Variants in HSPA8 observed in about 807,000 individuals in gnomAD.
The protein encoded by HSPA8 is heat shock cognate 71 kDa protein.
HSPA8 carries 2 observed loss-of-function variants against 52.8 expected under a neutral mutation model. The ratio of observed to expected loss-of-function variants is 0.04; its 90% CI spans 0.02 to 0.12. The LOEUF (loss-of-function observed/expected upper bound fraction) is 0.12. Ranked by LOEUF, HSPA8 falls within the 10% of genes least tolerant of loss-of-function variation. HSPA8 has a pLI of 1.00. For missense variants in HSPA8, 349 were observed against 800.5 expected (o/e 0.44, Z 6.81); for synonymous variants, 436 against 274.0 (o/e 1.59, Z -5.84).
In HSPA8 at chr11:123,060,359, G is replaced by C. The variant is rs1865455539; in HGVS notation, c.412-91C>G. The C allele has an allele frequency of 2.4e-6, 3 of 1,260,106 alleles. No individual in the cohort carries two copies. The South Asian group carries it at 3.8e-5, about 16-fold the overall frequency. The allele number at this position is 1,260,106 out of a possible 1,614,324, so 78.1% of individuals were successfully genotyped here. On this transcript the variant is annotated intron_variant, in intron 3 of 8. Transcript: ENST00000534624. Reference sequence around the variant, plus strand: ...ATGGATTAATGCTGGTGAAAGAACAGCTGGAGCACCCCCCCCACCAAAATG... The same window carrying C: ...ATGGATTAATGCTGGTGAAAGAACACCTGGAGCACCCCCCCCACCAAAATG...
intron 3 of HSPA8, 140 bp downstream of exon 3, chr11:123,060,453 T>A: frequency 1.1e-6 from 1 of 893,164 alleles, no homozygotes; most frequent in Non-Finnish European, 1.8e-6. Flanking sequence ...CTAGAGAGCC[T>A]AGGGCACTGT....
Position 123,060,566 on chromosome 11 carries a change from C to A in HSPA8, c.411+27G>T, listed in dbSNP as rs201523743. ...TCGGGCTTTTAACTACTCCGGAATG[C>A]ACCCCATACTGAAAAACCAACCTCA... On this transcript the variant is annotated intron_variant, in intron 3 of 8. Transcript: ENST00000534624. 3.9e-6 allele frequency: 6 copies of A among 1,537,870 alleles called. No homozygotes were observed. The South Asian group carries it at 6.7e-5, about 17-fold the overall frequency.
chr11:123,061,092 G>C (rs1369893725), intron 2 of HSPA8, 28 bp downstream of exon 2: 1 of 1,586,528 alleles, frequency 6.3e-7, no homozygotes, highest in Admixed American at 1.7e-5. Flanking sequence ...TGTTATATTT[G>C]TTCTGTCATT....
chr11:123,060,897 T>G, intron 2 of HSPA8, 99 bp from the exon 3 acceptor site: 1 of 1,089,106 alleles, frequency 9.2e-7, no homozygotes, highest in Non-Finnish European at 1.4e-6. Flanking sequence ...CATAGGTAGG[T>G]GAATTCAACT....
intron 4 of HSPA8, 26 bp downstream of exon 4, chr11:123,060,090 G>A (rs368508401): frequency 2.2e-5 from 35 of 1,613,812 alleles, no homozygotes; most frequent in African/African-American, 1.2e-4. Flanking sequence ...AAAATAATCC[G>A]AACTTGCATC....
chr11:123,061,018 TCA>T lies in HSPA8; in HGVS notation c.205+100_205+101del, dbSNP rs113256342. ...CAGACTTGATAACAAGTCTCTCAGC[TCA>T]GTTTTTCTAAAATCAAAAAGTTCCC... On this transcript the variant is annotated intron_variant, in intron 2 of 8. Coordinates refer to ENST00000534624, the MANE Select transcript of HSPA8 (RefSeq NM_006597.6). 2.4e-4 allele frequency: 246 copies of T among 1,039,746 alleles called. 2 individuals are homozygous for T. In the African/African-American group the frequency reaches 3.5e-3, roughly 15 times the overall value. The allele number at this position is 1,039,746 out of a possible 1,614,324, so 64.4% of individuals were successfully genotyped here. A position where few individuals can be genotyped will look rare whatever the true frequency, so the allele number is the denominator to read the frequency against.
chr11:123,059,241 A>C lies in HSPA8; in HGVS notation c.1141T>G (p.Ser381Ala). The change falls in exon 6 of 9, where the codon TCT becomes GCT. Residue 381 changes from serine (S) to alanine (A), a missense_variant. Transcript: ENST00000534624. ...YGAAVQAAIL[S>A]GDKSENVQDL... Reference sequence around the variant, plus strand: ...TGAACATTCTCAGACTTGTCTCCAGACAAGATGGCTGCCTGGACAGCTAGC... The same window carrying C: ...TGAACATTCTCAGACTTGTCTCCAGCCAAGATGGCTGCCTGGACAGCTAGC... The C allele has an allele frequency of 6.2e-7, 1 of 1,613,050 alleles. No individual in the cohort carries two copies.
At chr11:123,058,093 G>A (rs1797938570) in intron 8 of HSPA8, 159 bp downstream of exon 8, 3 of 714,280 alleles carry the variant, frequency 4.2e-6, no homozygotes, top group Non-Finnish European at 7.0e-6. Context: ...AGACATCCAA[G>A]GAAGGTAGTT....
At chr11:123,061,659 CTACTCCGGAATG>C (rs1865507623) in intron 1 of HSPA8, 3 of 380,220 alleles carry the variant, frequency 7.9e-6, no homozygotes, top group Non-Finnish European at 1.5e-5. Flanking sequence ...GGGCTTTTAA[CTACTCCGGAATG>C]TACCCCCATA....
chr11:123,062,347 C>G (rs1197455166), upstream of HSPA8: 1 of 152,606 alleles, frequency 6.6e-6, no homozygotes, highest in African/African-American at 2.4e-5. Flanking sequence ...ACGCACTCAC[C>G]GCAGCGTTCT....
chr11:123,058,323 T>C lies in HSPA8; in HGVS notation c.1684A>G (p.Ile562Val), dbSNP rs777603150. 1.1e-5 allele frequency: 18 copies of C among 1,613,768 alleles called. No individual in the cohort carries two copies. The Admixed American group carries it at 3.0e-4, about 27-fold the overall frequency. ...ATCTTCTGTTTGTCCTCATCGTTAA[T>C]CTTGCCTTGAAGTTTCTCATCTTCA... ...TVEDEKLQGK[I>V]NDEDKQKILD... Residue 562 changes from isoleucine (I) to valine (V), a missense_variant, in exon 8 of 9, where the codon ATT becomes GTT. Transcript: ENST00000534624.
At position 123,057,773 on chromosome 11, in the gene HSPA8, A is replaced by G. The variant is rs1245822623; in HGVS notation, c.1902T>C (p.Gly634=). 1 of 1,613,650 alleles carries G rather than the reference A, an allele frequency of 6.2e-7. No individual in the cohort carries two copies. The change falls in exon 9 of 9, where the codon GGT becomes GGC. Residue 634 remains glycine (G), a synonymous_variant. Transcript: ENST00000534624. ...GFPGGGAPPS[G]GASSGPTIEE... ...CAATGGTGGGCCCTGAGGAAGCACC[A>G]CCAGAGGGAGGAGCTCCACCACCAG... is the stretch of plus-strand genomic sequence containing the variant.
chr11:123,061,163 G>C lies in HSPA8; in HGVS notation c.162C>G (p.Ala54=), dbSNP rs767193605. ...FTDTERLIGD[A]AKNQVAMNPT... is the part of the protein sequence containing the mutation. ...GGTTCATTGCAACTTGATTCTTTGC[G>C]GCATCACCGATCAACCGTTCAGTGT... The change falls in exon 2 of 9, where the codon GCC becomes GCG. Residue 54 remains alanine, a synonymous_variant. Coordinates refer to ENST00000534624, the MANE Select transcript of HSPA8 (RefSeq NM_006597.6). 2.5e-6 allele frequency: 4 copies of C among 1,613,764 alleles called. No individual in the cohort carries two copies. The highest frequency in any genetic ancestry group is 3.4e-6 in the Non-Finnish European group (4 of 1,179,816).
chr11:123,058,786 A>T lies in HSPA8; in HGVS notation c.1368T>A (p.Leu456=), dbSNP rs377257990. 9.8e-5 allele frequency: 158 copies of T among 1,614,070 alleles called. No individual in the cohort carries two copies. The highest frequency in any genetic ancestry group is 1.3e-4 in the Non-Finnish European group (153 of 1,180,044). The change falls in exon 7 of 9, where the codon CTT becomes CTA. Residue 456 remains leucine (L), a synonymous_variant. Coordinates refer to ENST00000534624, the MANE Select transcript of HSPA8 (RefSeq NM_006597.6). ...GTATGCCTGTGAGTTCAAACTTGCC[A>T]AGCAGGTTGTTATCCTTTGTCATGG... ...ERAMTKDNNL[L]GKFELTGIPP...
At chr11:123,060,379 A>G in intron 3 of HSPA8, 111 bp from the exon 4 acceptor site, 4 of 1,091,330 alleles carry the variant, frequency 3.7e-6, no homozygotes, top group Non-Finnish European at 5.4e-6. Flanking sequence ...CCCCCCCACC[A>G]AAATGTAAAT....
chr11:123,061,280 G>A lies in HSPA8; in HGVS notation c.45C>T (p.Tyr15=). The A allele has an allele frequency of 1.2e-6, 2 of 1,613,904 alleles. No individual in the cohort carries two copies. Among genetic ancestry groups the A allele is most frequent in the African/African-American group, 1.3e-5 (1 of 75,014 alleles). Residue 15 remains tyrosine, a synonymous_variant, in exon 2 of 9, where the codon TAC becomes TAT. Transcript: ENST00000534624. ...CGTGCTGGAAAACACCCACACAAGA[G>A]TAGGTGGTGCCAAGATCAATACCAA... ...PAVGIDLGTT[Y]SCVGVFQHGK... is the part of the protein sequence containing the mutation.
rs777216036 is a variant in HSPA8, at chr11:123,058,393, G to T, written c.1614C>A (p.Ser538=). The change falls in exon 8 of 9, where the codon TCC becomes TCA. Residue 538 remains serine, a synonymous_variant. Coordinates refer to ENST00000534624, the MANE Select transcript of HSPA8 (RefSeq NM_006597.6). ...EDEKQRDKVS[S]KNSLESYAFN... ...AGGCATAGGACTCAAGTGAATTCTT[G>T]GATGACACCTTGTCCCTCTGCTTCT... 6.2e-7 allele frequency: 1 copy of T among 1,613,728 alleles called. No homozygotes were observed. The highest frequency in any genetic ancestry group is 8.5e-7 in the Non-Finnish European group (1 of 1,179,802).
At chr11:123,058,934 T>G in intron 6 of HSPA8, 104 bp from the exon 7 acceptor site, 1 of 1,395,138 alleles carries the variant, frequency 7.2e-7, no homozygotes, top group Non-Finnish European at 1.0e-6. Context: ...AGGAAGGAAC[T>G]GGCCAACATA....
intron 8 of HSPA8, 115 bp downstream of exon 8, chr11:123,058,137 T>G: frequency 1.3e-6 from 1 of 780,116 alleles, no homozygotes; most frequent in Non-Finnish European, 2.1e-6. Context: ...AAACCGCGAA[T>G]GTTTTGGACC....
Sources: allele counts gnomAD v4.1 joint callset, GRCh38; gene constraint gnomAD v4.1.1; transcripts MANE v1.5; gene names NCBI Gene and HGNC (gene_info 2026-07-23, HGNC 2026-07-21).